The following ECM2 variants were observed in gnomAD, a reference collection of about 807,000 sequenced individuals.
The protein encoded by ECM2 is extracellular matrix protein 2, female organ and adipocyte specific.
ECM2 carries 57 observed loss-of-function variants against 67.5 expected under a neutral mutation model. The observed-to-expected ratio is 0.84, with a 90% CI of 0.68 to 1.05. The LOEUF is 1.05. Among genes scored for constraint, ECM2 ranks in the 50% least tolerant of loss-of-function variants. ECM2 has a pLI of 0.00. For missense variants in ECM2, 741 were observed against 822.8 expected (o/e 0.90, Z 1.22); for synonymous variants, 258 against 294.5 (o/e 0.88, Z 1.27).
At chr9:92,516,517 A>G (rs1005185323) in intron 3 of ECM2, among the ~76,000 whole-genome samples, 1 of 152,258 alleles carries the variant, frequency 6.6e-6, no homozygotes, top group Non-Finnish European at 1.5e-5. Context: ...TATGTATTAT[A>G]AAGTCTGTGA....
chr9:92,551,932 T>TATATATC, the ECM2 span, among the ~76,000 whole-genome samples: 11 of 88,120 alleles, frequency 1.2e-4, no homozygotes, highest in Non-Finnish European at 1.1e-4. Flanking sequence ...TGTGTATATA[T>TATATATC]ATATATATAT....
Position 92,517,892 on chromosome 9 carries a change from G to A in ECM2, c.293-17C>T, listed in dbSNP as rs1002269302. 4 of 1,612,708 alleles carry A rather than the reference G, an allele frequency of 2.5e-6. No homozygotes were observed. The highest frequency in any genetic ancestry group is 1.7e-5 in the Admixed American group (1 of 59,844). On this transcript the variant is annotated splice_polypyrimidine_tract_variant and intron_variant, in intron 2 of 9. Transcript: ENST00000344604. Reference sequence around the variant, plus strand: ...CCTTCTTTCCTAGAAGAAAACAAAAGCACAAATTTAAATTTCTTATGTGAT... The same window carrying A: ...CCTTCTTTCCTAGAAGAAAACAAAAACACAAATTTAAATTTCTTATGTGAT...
intron 7 of ECM2, among the ~76,000 whole-genome samples, chr9:92,504,551 G>T (rs1846880313): frequency 6.6e-6 from 1 of 152,070 alleles, no homozygotes; most frequent in African/African-American, 2.4e-5. Context: ...GGTGTGGTTT[G>T]TAGAGACAGG....
At chr9:92,532,501 G>A (rs1168755971) in intron 1 of ECM2, among the ~76,000 whole-genome samples, 1 of 151,704 alleles carries the variant, frequency 6.6e-6, no homozygotes, top group Non-Finnish European at 1.5e-5. Flanking sequence ...TGTCTTTAAT[G>A]TCACTTTCCC....
intron 5 of ECM2, among the ~76,000 whole-genome samples, chr9:92,511,362 T>A (rs1351725350): frequency 1.6e-5 from 2 of 124,818 alleles, no homozygotes; most frequent in Non-Finnish European, 3.2e-5. Flanking sequence ...CCTGACCTCA[T>A]GATCCGCCCA....
rs111861580 is a variant in ECM2, at chr9:92,523,161, G to A, written c.-27-268C>T. Among the ~76,000 whole-genome samples the A allele has an allele frequency of 2.3e-4, 35 of 151,962 alleles. 1 individual carries two copies. Among genetic ancestry groups the A allele is most frequent in the African/African-American group, 8.5e-4 (35 of 41,410 alleles). ...AGTGGTTCAGTCATGACTCACTGCA[G>A]CCTTGAACTCCTGGGCTCAAGCAGT... On this transcript the variant is annotated intron_variant, in intron 1 of 9. Coordinates refer to ENST00000344604, the MANE Select transcript of ECM2 (RefSeq NM_001393.4).
At chr9:92,537,513 A>G (rs1849214163), upstream of ECM2, among the ~76,000 whole-genome samples, 1 of 152,080 alleles carries the variant, frequency 6.6e-6, no homozygotes, top group South Asian at 2.1e-4. Context: ...TACAAAAATT[A>G]GCCGAGTATG....
chr9:92,541,278 A>G (rs1849312193), upstream of ECM2, among the ~76,000 whole-genome samples: 1 of 152,058 alleles, frequency 6.6e-6, no homozygotes, highest in South Asian at 2.1e-4. Context: ...TAAAATAAAA[A>G]TTATCATCTC....
At chr9:92,551,575 G>C in the ECM2 span, among the ~76,000 whole-genome samples, 1 of 151,914 alleles carries the variant, frequency 6.6e-6, no homozygotes, top group South Asian at 2.1e-4. Flanking sequence ...TTGGTTACAT[G>C]AGTAAGTTGT....
chr9:92,520,654 T>C (rs911931917), intron 2 of ECM2, among the ~76,000 whole-genome samples: 5 of 152,198 alleles, frequency 3.3e-5, no homozygotes, highest in African/African-American at 9.7e-5. Context: ...AAAACTTATA[T>C]TAATGTTCAT....
rs1847593351 is a variant in ECM2, at chr9:92,514,855, TC to T, written c.829del (p.Glu277ArgfsTer17). On this transcript the variant is annotated frameshift_variant, in exon 4 of 10. Coordinates refer to ENST00000344604, the MANE Select transcript of ECM2 (RefSeq NM_001393.4). LOFTEE classifies it high-confidence loss of function. ...ATCCTCCTCACCCTCCTCACCCTCCTCCTCCTCATCCTCCTCCTCCTCCCTT... is the reference window on the plus strand; with the variant it reads ...ATCCTCCTCACCCTCCTCACCCTCCTCTCCTCATCCTCCTCCTCCTCCCTT... ...QGREEEEDEE[E>X]EGEEGEEDEE... The T allele has an allele frequency of 6.2e-7, 1 of 1,612,160 alleles. No individual in the cohort carries two copies. Among genetic ancestry groups the T allele is most frequent in the Admixed American group, 1.7e-5 (1 of 59,886 alleles).
At chr9:92,546,759 G>C in the ECM2 span, among the ~76,000 whole-genome samples, 1 of 152,216 alleles carries the variant, frequency 6.6e-6, no homozygotes, top group East Asian at 1.9e-4. Context: ...TTTTATGCTA[G>C]TAAATTGATA....
At chr9:92,558,852 T>G in the ECM2 span, among the ~76,000 whole-genome samples, 2 of 151,938 alleles carry the variant, frequency 1.3e-5, no homozygotes, top group Non-Finnish European at 2.9e-5. Flanking sequence ...TCACTGGAGT[T>G]GTATACCTAG....
chr9:92,528,490 G>A (rs1381122488), intron 1 of ECM2, among the ~76,000 whole-genome samples: 1 of 152,156 alleles, frequency 6.6e-6, no homozygotes, highest in Non-Finnish European at 1.5e-5. Flanking sequence ...ATGTATGTAA[G>A]TAAACTATTA....
At chr9:92,518,840 G>A (rs1298293253) in intron 2 of ECM2, among the ~76,000 whole-genome samples, 1 of 152,194 alleles carries the variant, frequency 6.6e-6, no homozygotes, top group African/African-American at 2.4e-5. Flanking sequence ...AGTGAGCCAA[G>A]ATCGTTCCAC....
intron 9 of ECM2, among the ~76,000 whole-genome samples, chr9:92,497,188 TTAG>T (rs1407774129): frequency 6.6e-6 from 1 of 152,228 alleles, no homozygotes; most frequent in Non-Finnish European, 1.5e-5. Context: ...GGCATTATTT[TTAG>T]TAGTAAGAGT....
At chr9:92,499,794 C>T (rs1240025340) in intron 9 of ECM2, among the ~76,000 whole-genome samples, 1 of 152,190 alleles carries the variant, frequency 6.6e-6, no homozygotes, top group African/African-American at 2.4e-5. Flanking sequence ...AGGGGAAAGA[C>T]TAAGAGGCAT....
Position 92,496,440 on chromosome 9 carries a change from C to G in ECM2, c.1975G>C (p.Asp659His). Reference sequence around the variant, plus strand: ...AGATGAAGATGTTCCAGATTTGAGTCATCATCCTCTTCAGCATTGCAAATT... The same window carrying G: ...AGATGAAGATGTTCCAGATTTGAGTGATCATCCTCTTCAGCATTGCAAATT... ...EEICNAEEDD[D>H]SNLEHLHLEN... The change falls in exon 10 of 10, where the codon GAC becomes CAC. Residue 659 changes from aspartate to histidine, a missense_variant. By Grantham distance (81) the Asp-to-His change is moderately conservative. Coordinates refer to ENST00000344604, the MANE Select transcript of ECM2 (RefSeq NM_001393.4). The G allele has an allele frequency of 6.2e-7, 1 of 1,608,282 alleles. No individual in the cohort carries two copies. The highest frequency in any genetic ancestry group is 2.2e-5 in the East Asian group (1 of 44,504).
chr9:92,524,302 G>A (rs532624354), intron 1 of ECM2, among the ~76,000 whole-genome samples: 1 of 152,284 alleles, frequency 6.6e-6, no homozygotes, highest in South Asian at 2.1e-4. Context: ...CTCAGGGTTA[G>A]TATAGGGCCT....
Sources: allele counts gnomAD v4.1 joint callset (sites outside exome capture counted in the v4.1 genomes callset), GRCh38; gene constraint gnomAD v4.1.1; transcripts MANE v1.5; gene names NCBI Gene and HGNC (gene_info 2026-07-23, HGNC 2026-07-21).